Variants in NFILZ observed in about 807,000 individuals in gnomAD.
NFILZ encodes the protein NFIL3 like basic leucine zipper, also known as NFIL3 like protein.
At position 8,657,124 on chromosome 19, in the gene NFILZ, G is replaced by A. The variant is rs1026840528; in HGVS notation, c.-163-17427G>A. Among the ~76,000 whole-genome samples, 4 of 151,996 alleles carry A rather than the reference G, an allele frequency of 2.6e-5. No individual in the cohort carries two copies. The South Asian group carries it at 8.3e-4, about 31-fold the overall frequency. On this transcript the variant is annotated intron_variant, in intron 3 of 5. Coordinates refer to ENST00000691075, the MANE Select transcript of NFILZ (RefSeq NM_001378600.1). Reference sequence around the variant, plus strand: ...GGGGGCGGTTTTCGCTCCGGTGGGAGGTCCAAATCTGTGGAGATTGGCGAT... The same window carrying A: ...GGGGGCGGTTTTCGCTCCGGTGGGAAGTCCAAATCTGTGGAGATTGGCGAT...
intron 3 of NFILZ, among the ~76,000 whole-genome samples, chr19:8,662,702 T>A (rs1483791380): frequency 6.6e-6 from 1 of 151,106 alleles, no homozygotes; most frequent in Non-Finnish European, 1.5e-5. Context: ...AGTGACACGA[T>A]CTTGGCTCAC....
At chr19:8,636,445 C>T (rs367838333) in intron 3 of NFILZ, among the ~76,000 whole-genome samples, 196 of 104,328 alleles carry the variant, frequency 1.9e-3, no homozygotes, top group Non-Finnish European at 2.8e-3. Flanking sequence ...GAGACTCCAT[C>T]TTTTTTTTTT....
chr19:8,665,943 G>C (rs1411059271), intron 3 of NFILZ, among the ~76,000 whole-genome samples: 1 of 152,134 alleles, frequency 6.6e-6, no homozygotes, highest in Non-Finnish European at 1.5e-5. Context: ...TCCTCTCTTA[G>C]AGCAAAAGAA....
At chr19:8,651,318 G>C (rs10426222) in intron 3 of NFILZ, among the ~76,000 whole-genome samples, 5,685 of 151,452 alleles carry the variant, frequency 0.038, 348 homozygotes, top group African/African-American at 0.13. Flanking sequence ...CCCACCACTA[G>C]GCCCAGCTAA....
chr19:8,668,494 C>G (rs986721055), intron 3 of NFILZ, among the ~76,000 whole-genome samples: 2 of 152,118 alleles, frequency 1.3e-5, no homozygotes, highest in East Asian at 3.9e-4. Flanking sequence ...TTCTGAGTCA[C>G]CTAACATATT....
rs1327105454 is a variant in NFILZ, at chr19:8,681,048, G to C, written c.*3413G>C. Among the ~76,000 whole-genome samples, 2 of 152,024 alleles carry C rather than the reference G, an allele frequency of 1.3e-5. No individual in the cohort carries two copies. The highest frequency in any genetic ancestry group is 2.9e-5 in the Non-Finnish European group (2 of 67,996). ...TTGGCTTCCTTTCTGAGTGATATGG[G>C]CATGAGGGGGACGTTTCCAAGTATA... On this transcript the variant is annotated 3_prime_UTR_variant, in exon 6 of 6. Transcript: ENST00000691075.
intron 3 of NFILZ, among the ~76,000 whole-genome samples, chr19:8,658,974 C>G (rs1227390566): frequency 6.7e-6 from 1 of 150,126 alleles, no homozygotes; most frequent in Non-Finnish European, 1.5e-5. Context: ...GGCTGGTTGC[C>G]GTGGCTCATG....
chr19:8,644,620 C>T (rs937253027), intron 3 of NFILZ, among the ~76,000 whole-genome samples: 1 of 151,814 alleles, frequency 6.6e-6, no homozygotes, highest in Non-Finnish European at 1.5e-5. Context: ...GCTACCATGC[C>T]TGGCTATTAA....
At chr19:8,632,300 G>A (rs1050228753) in intron 1 of NFILZ, among the ~76,000 whole-genome samples, 176 bp from the exon 2 acceptor site, 3 of 151,490 alleles carry the variant, frequency 2.0e-5, no homozygotes, top group Admixed American at 1.3e-4. Context: ...TACCGCTGTT[G>A]TGTCAGAGAC....
At chr19:8,662,261 G>A (rs1038212179) in intron 3 of NFILZ, among the ~76,000 whole-genome samples, 5 of 151,882 alleles carry the variant, frequency 3.3e-5, no homozygotes, top group African/African-American at 4.8e-5. Flanking sequence ...TCTGGAATAA[G>A]CAGAATAAGG....
rs113307952 is a variant in NFILZ, at chr19:8,640,192, C to T, written c.-164+4446C>T. On this transcript the variant is annotated intron_variant, in intron 3 of 5. Transcript: ENST00000691075. ...TGGGGCCAGTGCTTTGCGGGTGAAC[C>T]GGTCCTGTGTTCTTGATTTTCCCCC... 3.3e-5 allele frequency among the ~76,000 whole-genome samples: 5 copies of T among 152,090 alleles called. No individual in the cohort carries two copies. The East Asian group carries it at 5.8e-4, about 18-fold the overall frequency.
chr19:8,634,763 C>G (rs1275870097), intron 2 of NFILZ, among the ~76,000 whole-genome samples: 1 of 152,034 alleles, frequency 6.6e-6, no homozygotes, highest in Non-Finnish European at 1.5e-5. Flanking sequence ...ATTCGTAGTT[C>G]CAGCTAATTG....
chr19:8,667,610 C>T (rs1461733115), intron 3 of NFILZ, among the ~76,000 whole-genome samples: 12 of 152,148 alleles, frequency 7.9e-5, no homozygotes, highest in East Asian at 5.8e-4. Flanking sequence ...TGCAGTGGTG[C>T]GATCTCGGCT....
intron 3 of NFILZ, among the ~76,000 whole-genome samples, chr19:8,638,285 ACACGTGCGTTCATGAGTGTG>A (rs1408211921): frequency 6.6e-6 from 1 of 152,166 alleles, no homozygotes; most frequent in Non-Finnish European, 1.5e-5. Context: ...GGTGGAATTT[ACACGTGCGTTCATGAGTGTG>A]CACGTGCGTT....
chr19:8,664,825 G>A (rs1306107182), intron 3 of NFILZ, among the ~76,000 whole-genome samples: 7 of 152,134 alleles, frequency 4.6e-5, no homozygotes, highest in African/African-American at 1.7e-4. Flanking sequence ...CTGGGCAGGA[G>A]GGGTGGAGAA....
At chr19:8,657,211 C>G (rs1234811046) in intron 3 of NFILZ, among the ~76,000 whole-genome samples, 2 of 151,270 alleles carry the variant, frequency 1.3e-5, no homozygotes, top group African/African-American at 4.9e-5. Context: ...GTGGTATGAT[C>G]TCGGCTCGGC....
In NFILZ at chr19:8,647,927, C is replaced by A. The variant is rs546159554; in HGVS notation, c.-164+12181C>A. ...GTGGCTCGTGCCTGTAATCCCAGCA[C>A]TTTGGGAGGCCGAGGCGGGTGGATC... On this transcript the variant is annotated intron_variant, in intron 3 of 5. Coordinates refer to ENST00000691075, the MANE Select transcript of NFILZ (RefSeq NM_001378600.1). Among the ~76,000 whole-genome samples, 4 of 151,832 alleles carry A rather than the reference C, an allele frequency of 2.6e-5. No homozygotes were observed. The East Asian group carries it at 5.9e-4, about 22-fold the overall frequency.
chr19:8,663,950 G>T (rs563644665), intron 3 of NFILZ, among the ~76,000 whole-genome samples: 1 of 152,230 alleles, frequency 6.6e-6, no homozygotes, highest in South Asian at 2.1e-4. Flanking sequence ...TTCCTTTGAG[G>T]CTGTGTGGTG....
intron 3 of NFILZ, among the ~76,000 whole-genome samples, chr19:8,642,437 C>G (rs2042922902): frequency 6.6e-6 from 1 of 151,964 alleles, no homozygotes. Context: ...TGGATTGCAA[C>G]CATAGCCACT....
Sources: allele counts gnomAD v4.1 joint callset (sites outside exome capture counted in the v4.1 genomes callset), GRCh38; gene constraint gnomAD v4.1.1; transcripts MANE v1.5; gene names NCBI Gene and HGNC (gene_info 2026-07-23, HGNC 2026-07-21).